The following MAPK4 variants were observed in gnomAD, a reference collection of about 807,000 sequenced individuals.
The protein encoded by MAPK4 is Erk3-related.
Under a neutral mutation model 47.7 loss-of-function variants are expected in MAPK4, and 22 were observed. The ratio of observed to expected loss-of-function variants is 0.46; its 90% CI spans 0.33 to 0.66. The LOEUF (loss-of-function observed/expected upper bound fraction) is 0.66, where lower values mean the gene tolerates loss of function less well. Ranked by LOEUF, MAPK4 falls within the 30% of genes least tolerant of loss-of-function variation. The probability of loss-of-function intolerance (pLI) is 0.02; values close to 1 mark genes in which losing one functional copy is unlikely to be tolerated. For synonymous variants in MAPK4, 390 were observed against 365.7 expected, an observed-to-expected ratio of 1.07 and a Z score of -0.76; for missense variants, 736 against 831.7, an observed-to-expected ratio of 0.88 and a Z score of 1.42.
At chr18:50,599,067 G>A (rs965277490) in intron 1 of MAPK4, among the ~76,000 whole-genome samples, 2 of 152,274 alleles carry the variant, frequency 1.3e-5, no homozygotes, top group East Asian at 1.9e-4. Context: ...GAGTCACTAA[G>A]TCTAGCACAC....
At chr18:50,658,376 T>C (rs373219623) in intron 1 of MAPK4, among the ~76,000 whole-genome samples, 4 of 152,150 alleles carry the variant, frequency 2.6e-5, no homozygotes, top group African/African-American at 9.7e-5. Context: ...AGAGCGTGAG[T>C]GTTGGACTTG....
chr18:50,596,701 G>A (rs1188729763), intron 1 of MAPK4, among the ~76,000 whole-genome samples: 1 of 152,174 alleles, frequency 6.6e-6, no homozygotes, highest in Non-Finnish European at 1.5e-5. Context: ...GTCAGATAAG[G>A]GAAGCACTGC....
At chr18:50,601,246 ATCGCTGGAGCC>A (rs2042537207) in intron 1 of MAPK4, among the ~76,000 whole-genome samples, 1 of 150,138 alleles carries the variant, frequency 6.7e-6, no homozygotes, top group African/African-American at 2.5e-5. Flanking sequence ...AGGTGGGAAG[ATCGCTGGAGCC>A]TGGGAGGTGG....
At chr18:50,710,204 C>G (rs1323146065) in intron 2 of MAPK4, among the ~76,000 whole-genome samples, 1 of 152,202 alleles carries the variant, frequency 6.6e-6, no homozygotes, top group East Asian at 1.9e-4. Context: ...CATACCAGGC[C>G]AGGCACGGTG....
chr18:50,593,016 T>C (rs533685260), intron 1 of MAPK4, among the ~76,000 whole-genome samples: 1 of 152,286 alleles, frequency 6.6e-6, no homozygotes, highest in East Asian at 1.9e-4. Flanking sequence ...ACTAATTTTA[T>C]CCCTATTTTA....
chr18:50,610,677 A>T (rs1000426221), intron 1 of MAPK4, among the ~76,000 whole-genome samples: 1 of 152,230 alleles, frequency 6.6e-6, no homozygotes. Flanking sequence ...AGAGCTTCAT[A>T]AATGGTAGAC....
intron 1 of MAPK4, among the ~76,000 whole-genome samples, chr18:50,621,202 C>T (rs1262833861): frequency 6.6e-6 from 1 of 152,186 alleles, no homozygotes; most frequent in Non-Finnish European, 1.5e-5. Flanking sequence ...GACTCCAAAA[C>T]ATATGCTCTT....
At position 50,722,008 on chromosome 18, in the gene MAPK4, C is replaced by G. The variant is rs751707902; in HGVS notation, c.762C>G (p.Asp254Glu). Residue 254 changes from aspartate (D) to glutamate (E), a missense_variant, in exon 4 of 6, where the codon GAC (aspartate) becomes GAG (glutamate). Asp to Glu is a conservative substitution (Grantham distance 45). Coordinates refer to ENST00000400384, the MANE Select transcript of MAPK4 (RefSeq NM_002747.4). ...CTGTAATCCGGGAGGAAGACAAGGA[C>G]GAGCTGCTCAGGGTGATGCCTTCCT... ...TIPVIREEDK[D>E]ELLRVMPSFV... is the part of the protein sequence containing the mutation. 2.5e-6 allele frequency: 4 copies of G among 1,613,934 alleles called. No homozygotes were observed. The highest frequency in any genetic ancestry group is 1.1e-5 in the South Asian group (1 of 91,052).
intron 1 of MAPK4, among the ~76,000 whole-genome samples, chr18:50,606,969 T>A (rs1345984462): frequency 6.6e-6 from 1 of 152,222 alleles, no homozygotes; most frequent in Non-Finnish European, 1.5e-5. Flanking sequence ...CGAGTCCCTG[T>A]CAATGCATGT....
chr18:50,686,657 A>G (rs1032737760), intron 2 of MAPK4, among the ~76,000 whole-genome samples: 11 of 152,210 alleles, frequency 7.2e-5, no homozygotes, highest in African/African-American at 2.2e-4. Flanking sequence ...TCTCCATCCA[A>G]TGTGAGCCCA....
chr18:50,717,306 G>A (rs1032557109), intron 3 of MAPK4, among the ~76,000 whole-genome samples: 3 of 152,160 alleles, frequency 2.0e-5, no homozygotes, highest in East Asian at 1.9e-4. Flanking sequence ...AAAAGGGCAC[G>A]AAAGCTGGAA....
chr18:50,633,908 T>C (rs943798432), intron 1 of MAPK4, among the ~76,000 whole-genome samples: 5 of 152,126 alleles, frequency 3.3e-5, no homozygotes, highest in Non-Finnish European at 7.4e-5. Flanking sequence ...GCTTTCACTG[T>C]GGTGTGTTGC....
Position 50,592,081 on chromosome 18 carries a change from C to T in MAPK4, c.-871+31838C>T, listed in dbSNP as rs145998465. ...TCATTTTTGAATGGAGCCAAGCTGG[C>T]AGAAGGCAATTAGAGACTGGGAAAG... On this transcript the variant is annotated intron_variant, in intron 1 of 5. Transcript: ENST00000400384. Among the ~76,000 whole-genome samples the T allele has an allele frequency of 1.8e-3, 268 of 152,204 alleles. 1 individual carries two copies. Among genetic ancestry groups the T allele is most frequent in the African/African-American group, 6.3e-3 (263 of 41,526 alleles).
intron 2 of MAPK4, among the ~76,000 whole-genome samples, chr18:50,689,960 G>A (rs1212211057): frequency 6.6e-6 from 1 of 152,122 alleles, no homozygotes; most frequent in African/African-American, 2.4e-5. Flanking sequence ...TTAATACCGT[G>A]GGTCCTAGAA....
At chr18:50,579,156 C>T (rs979791042) in intron 1 of MAPK4, among the ~76,000 whole-genome samples, 3 of 152,094 alleles carry the variant, frequency 2.0e-5, no homozygotes, top group African/African-American at 4.8e-5. Context: ...TCAGATTTGC[C>T]TGCTCATTGC....
chr18:50,568,527 A>C (rs772046047), intron 1 of MAPK4, among the ~76,000 whole-genome samples: 1 of 152,178 alleles, frequency 6.6e-6, no homozygotes, highest in Non-Finnish European at 1.5e-5. Flanking sequence ...AGTCACATAC[A>C]CTTTTAATAA....
chr18:50,588,897 C>T (rs191153555), intron 1 of MAPK4, among the ~76,000 whole-genome samples: 9 of 152,102 alleles, frequency 5.9e-5, no homozygotes, highest in Non-Finnish European at 1.0e-4. Context: ...TGTGAACATA[C>T]GGTAATGGGA....
intron 2 of MAPK4, among the ~76,000 whole-genome samples, chr18:50,684,214 G>C (rs928815016): frequency 2.0e-5 from 3 of 151,718 alleles, no homozygotes; most frequent in African/African-American, 7.3e-5. Flanking sequence ...CCCCTTTTTT[G>C]CTTAAACTTA....
At chr18:50,626,652 G>A (rs776659709) in intron 1 of MAPK4, among the ~76,000 whole-genome samples, 10 of 151,560 alleles carry the variant, frequency 6.6e-5, no homozygotes, top group Non-Finnish European at 1.2e-4. Flanking sequence ...CTTTCTTCCC[G>A]TCTCCTCCCT....
Sources: allele counts gnomAD v4.1 joint callset (sites outside exome capture counted in the v4.1 genomes callset), GRCh38; gene constraint gnomAD v4.1.1; transcripts MANE v1.5; gene names NCBI Gene and HGNC (gene_info 2026-07-23, HGNC 2026-07-21).